Variants in MAVS observed in about 807,000 individuals in gnomAD.
MAVS encodes mitochondrial antiviral signaling protein.
Under a neutral mutation model 30.2 loss-of-function variants are expected in MAVS, and 20 were observed. That is an observed-to-expected ratio of 0.66 (90% CI 0.47 to 0.96). The LOEUF (loss-of-function observed/expected upper bound fraction) is 0.96, where lower values mean the gene tolerates loss of function less well. Among genes scored for constraint, MAVS ranks in the 40% least tolerant of loss-of-function variants. The pLI, the probability that MAVS is intolerant of heterozygous loss-of-function variation, is 0.00. For synonymous variants in MAVS, 278 were observed against 293.9 expected, an observed-to-expected ratio of 0.95 and a Z score of 0.55; for missense variants, 624 against 701.1, an observed-to-expected ratio of 0.89 and a Z score of 1.24.
In MAVS at chr20:3,873,741, C is replaced by G. The variant is rs926023837; in HGVS notation, c.*7594C>G. 1 of 169,382 alleles carries G rather than the reference C, an allele frequency of 5.9e-6. No individual in the cohort carries two copies. Among genetic ancestry groups the G allele is most frequent in the South Asian group, 2.0e-4 (1 of 5,028 alleles). The allele number at this position is 169,382 out of a possible 1,614,324, so 10.5% of individuals were successfully genotyped here. A position where few individuals can be genotyped will look rare whatever the true frequency, so the allele number is the denominator to read the frequency against. On this transcript the variant is annotated 3_prime_UTR_variant, in exon 7 of 7. Transcript: ENST00000428216. ...CTGCTGGCACCTTGATCTTGGACTTCCCAGCCTCTAGAACTGTGAGAAATA... is the reference window on the plus strand; with the variant it reads ...CTGCTGGCACCTTGATCTTGGACTTGCCAGCCTCTAGAACTGTGAGAAATA...
At chr20:3,853,550 T>C (rs1026305659) in intron 1 of MAVS, among the ~76,000 whole-genome samples, 7 of 151,766 alleles carry the variant, frequency 4.6e-5, no homozygotes, top group African/African-American at 1.2e-4. Context: ...TCCGAGCTAC[T>C]TGACAGGCGG....
In MAVS at chr20:3,866,947, G is replaced by C. The variant is rs2089913478; in HGVS notation, c.*800G>C. ...CTCACTTCCGGGGCTGTGTGGCTTT[G>C]GCAGATGTCAGACTTCTGGTCTTGC... On this transcript the variant is annotated 3_prime_UTR_variant, in exon 7 of 7. Coordinates refer to ENST00000428216, the MANE Select transcript of MAVS (RefSeq NM_020746.5). The C allele has an allele frequency of 2.2e-6, 1 of 456,786 alleles. No individual in the cohort carries two copies. The highest frequency in any genetic ancestry group is 2.0e-5 in the African/African-American group (1 of 50,102). The allele number at this position is 456,786 out of a possible 1,614,324, so 28.3% of individuals were successfully genotyped here. A position where few individuals can be genotyped will look rare whatever the true frequency, so the allele number is the denominator to read the frequency against.
At chr20:3,861,550 T>C (rs2089867643) in intron 4 of MAVS, 46 bp downstream of exon 4, 1 of 1,568,722 alleles carries the variant, frequency 6.4e-7, no homozygotes. Flanking sequence ...TGTGTTCCTA[T>C]CTGCCCACTT....
At chr20:3,864,885 T>C in intron 6 of MAVS, 97 bp downstream of exon 6, 2 of 1,460,162 alleles carry the variant, frequency 1.4e-6, no homozygotes, top group South Asian at 2.5e-5. Context: ...GTCTGCATTC[T>C]GTGTCCAGCC....
chr20:3,857,507 C>T (rs2146765021), intron 2 of MAVS, 128 bp from the exon 3 acceptor site: 1 of 1,093,158 alleles, frequency 9.1e-7, no homozygotes, highest in Non-Finnish European at 1.3e-6. Flanking sequence ...GGCTCCGATC[C>T]AGTTTCACGT....
chr20:3,862,144 T>C (rs2089871618), intron 4 of MAVS, 110 bp from the exon 5 acceptor site: 1 of 1,276,986 alleles, frequency 7.8e-7, no homozygotes, highest in East Asian at 2.5e-5. Context: ...CTGGCTCCTG[T>C]GCTCCATGGT....
rs528688119 is a variant in MAVS, at chr20:3,870,883, G to C, written c.*4736G>C. 6.6e-6 allele frequency: 1 copy of C among 152,142 alleles called. No homozygotes were observed. The highest frequency in any genetic ancestry group is 1.9e-4 in the East Asian group (1 of 5,178). 9.4% of individuals were successfully genotyped at this position (152,142 alleles called of 1,614,324 possible). On this transcript the variant is annotated 3_prime_UTR_variant, in exon 7 of 7. Transcript: ENST00000428216. ...CTTCCCTGCTTCCCCTCATTCTGCA[G>C]AGGTTCTTTTCTTTTGAGACAGAGT... is the stretch of plus-strand genomic sequence containing the variant.
At chr20:3,850,274 C>CAAAA (rs71195864) in intron 1 of MAVS, among the ~76,000 whole-genome samples, 3 of 44,454 alleles carry the variant, frequency 6.7e-5, no homozygotes, top group Non-Finnish European at 1.2e-4. Flanking sequence ...GAGACTGTCT[C>CAAAA]AAAAAAAAAA....
intron 4 of MAVS, 79 bp from the exon 5 acceptor site, chr20:3,862,175 G>A: frequency 6.6e-7 from 1 of 1,524,152 alleles, no homozygotes; most frequent in South Asian, 1.2e-5. Flanking sequence ...GCCTATAGGA[G>A]ATGCCCCAAG....
chr20:3,860,085 G>A (rs1240778831), intron 3 of MAVS, among the ~76,000 whole-genome samples: 1 of 152,148 alleles, frequency 6.6e-6, no homozygotes, highest in African/African-American at 2.4e-5. Context: ...CCAAAGTGCT[G>A]GGATTACAGG....
At chr20:3,852,273 CGTGA>C (rs1253251281) in intron 1 of MAVS, among the ~76,000 whole-genome samples, 1 of 151,910 alleles carries the variant, frequency 6.6e-6, no homozygotes, top group Non-Finnish European at 1.5e-5. Context: ...GGATTACAGG[CGTGA>C]GCCACCGTGC....
intron 3 of MAVS, among the ~76,000 whole-genome samples, chr20:3,859,245 C>G (rs1431704056): frequency 6.6e-6 from 1 of 151,664 alleles, no homozygotes; most frequent in Non-Finnish European, 1.5e-5. Context: ...CGGTGGCTCA[C>G]GCCTGTAATC....
At chr20:3,853,986 C>T (rs1343059971) in intron 1 of MAVS, among the ~76,000 whole-genome samples, 2 of 137,014 alleles carry the variant, frequency 1.5e-5, no homozygotes, top group Admixed American at 8.1e-5. Context: ...TTAGTAGAGA[C>T]GGGATTTTCT....
chr20:3,850,274 CAAAAAAA>C (rs71195864), intron 1 of MAVS, among the ~76,000 whole-genome samples: 111 of 44,456 alleles, frequency 2.5e-3, no homozygotes, highest in Admixed American at 6.8e-3. Flanking sequence ...GAGACTGTCT[CAAAAAAA>C]AAAAAAAAAA....
chr20:3,857,900 C>A, intron 3 of MAVS, 91 bp downstream of exon 3: 2 of 1,372,600 alleles, frequency 1.5e-6, no homozygotes, highest in South Asian at 1.2e-5. Flanking sequence ...CTGCCTTTCT[C>A]TGTCATCCTC....
chr20:3,860,834 G>A (rs1246862110), intron 3 of MAVS, among the ~76,000 whole-genome samples: 3 of 151,712 alleles, frequency 2.0e-5, no homozygotes, highest in Middle Eastern at 3.4e-3. Flanking sequence ...TTGCCAGCAC[G>A]CCTGGCTAAT....
rs144120502 is a variant in MAVS, at chr20:3,865,212, C to T, written c.1158+424C>T. ...CCCTCCATGGCCAGGCTTTACAGAACGCAGTCCCACCTGGAGCAGCCACTC... is the reference window on the plus strand; with the variant it reads ...CCCTCCATGGCCAGGCTTTACAGAATGCAGTCCCACCTGGAGCAGCCACTC... On this transcript the variant is annotated intron_variant, in intron 6 of 6. Transcript: ENST00000428216. This position sits in a 1 kb window ranked among gnomAD's most constrained non-coding sequence, Gnocchi z 4.7. Among the ~76,000 whole-genome samples, 133 of 152,312 alleles carry T rather than the reference C, an allele frequency of 8.7e-4. No individual in the cohort carries two copies. In the East Asian group the frequency reaches 0.023, roughly 26 times the overall value.
chr20:3,867,301 G>A lies in MAVS; in HGVS notation c.*1154G>A, dbSNP rs2089916803. 1 of 340,348 alleles carries A rather than the reference G, an allele frequency of 2.9e-6. No homozygotes were observed. The highest frequency in any genetic ancestry group is 2.1e-5 in the African/African-American group (1 of 46,536). 21.1% of individuals were successfully genotyped at this position (340,348 alleles called of 1,614,324 possible). On this transcript the variant is annotated 3_prime_UTR_variant, in exon 7 of 7. Transcript: ENST00000428216. ...ATATATATATATTTCCCAGTGTTGT[G>A]AAGATTAAAGGAGTTTATCGATGTA...
At chr20:3,861,131 T>G (rs1486395793) in intron 3 of MAVS, among the ~76,000 whole-genome samples, 1 of 152,134 alleles carries the variant, frequency 6.6e-6, no homozygotes, top group Non-Finnish European at 1.5e-5. Context: ...TAGCTGGGAC[T>G]ACAGGGGCCC....
Sources: allele counts gnomAD v4.1 joint callset (sites outside exome capture counted in the v4.1 genomes callset), GRCh38; gene constraint gnomAD v4.1.1; non-coding constraint Gnocchi (gnomAD v3.1); transcripts MANE v1.5; gene names NCBI Gene and HGNC (gene_info 2026-07-23, HGNC 2026-07-21).